SHLD3: variants seen among roughly 807,000 people sequenced by gnomAD.
SHLD3 encodes shieldin complex subunit 3.
Under a neutral mutation model 21.4 loss-of-function variants are expected in SHLD3, and 15 were observed. The ratio of observed to expected loss-of-function variants is 0.70; its 90% CI spans 0.47 to 1.08. The LOEUF is 1.08. SHLD3 is among the 50% of genes least tolerant of loss of function. The probability of loss-of-function intolerance (pLI) is 0.00; values close to 1 mark genes in which losing one functional copy is unlikely to be tolerated. For synonymous variants in SHLD3, 103 were observed against 97.2 expected (o/e 1.06, Z -0.35); for missense variants, 273 against 286.1 (o/e 0.95, Z 0.33).
chr5:65,630,528 T>C lies in SHLD3; in HGVS notation c.*188T>C, dbSNP rs1327455233. On this transcript the variant is annotated 3_prime_UTR_variant, in exon 2 of 2. Transcript: ENST00000510585. Reference sequence around the variant, plus strand: ...TCTTTTAAATGTGATAAATTATTGTTTACACTGAATTTGAAGGTAAAAATG... The same window carrying C: ...TCTTTTAAATGTGATAAATTATTGTCTACACTGAATTTGAAGGTAAAAATG... 7.8e-7 allele frequency: 1 copy of C among 1,283,330 alleles called. No homozygotes were observed. The highest frequency in any genetic ancestry group is 9.8e-7 in the Non-Finnish European group (1 of 1,017,672). 79.5% of individuals were successfully genotyped at this position (1,283,330 alleles called of 1,614,324 possible).
chr5:65,629,844 G>A lies in SHLD3; in HGVS notation c.257G>A (p.Cys86Tyr). Residue 86 changes from cysteine to tyrosine, a missense_variant, in exon 2 of 2, where the codon TGC becomes TAC. Physicochemically the swap from Cys to Tyr is radical, Grantham distance 194. Transcript: ENST00000510585. ...EHDAKSHSYD[C>Y]TVDLLEFQPS... ...GATGCTAAGTCACACAGTTATGATT[G>A]CACAGTAGATCTATTGGAGTTTCAA... 1.2e-5 allele frequency: 19 copies of A among 1,536,068 alleles called. No homozygotes were observed. Among genetic ancestry groups the A allele is most frequent in the Non-Finnish European group, 1.7e-5 (19 of 1,146,890 alleles).
Position 65,630,323 on chromosome 5 carries a change from G to GTTA in SHLD3, c.739_741dup (p.Ile247dup). 6.6e-7 allele frequency: 1 copy of GTTA among 1,515,258 alleles called. No individual in the cohort carries two copies. The allele number at this position is 1,515,258 out of a possible 1,614,324, so 93.9% of individuals were successfully genotyped here. A position where few individuals can be genotyped will look rare whatever the true frequency, so the allele number is the denominator to read the frequency against. On this transcript the variant is annotated inframe_insertion, in exon 2 of 2. Transcript: ENST00000510585. The stretch of plus-strand genomic sequence containing the variant: ...TAATTTATTTGTGCATAAATATGGT[G>GTTA]TTATTTTTAGTATGTAATGAATTCC...
chr5:65,627,873 T>A (rs921136747), intron 1 of SHLD3, among the ~76,000 whole-genome samples: 6 of 152,196 alleles, frequency 3.9e-5, no homozygotes, highest in South Asian at 2.1e-4. Flanking sequence ...TATCAGTAGG[T>A]AAAAATAATG....
In SHLD3 at chr5:65,629,680, T is replaced by G. The variant is rs1036277762; in HGVS notation, c.93T>G (p.Pro31=). Reference sequence around the variant, plus strand: ...CAGAAAAAGCAATTCAAGACTTTCCTACTCGTCCGCTATCAAGATTTATAC... The same window carrying G: ...CAGAAAAAGCAATTCAAGACTTTCCGACTCGTCCGCTATCAAGATTTATAC... ...KIAEKAIQDF[P]TRPLSRFIPW... The change falls in exon 2 of 2, where the codon CCT becomes CCG. Residue 31 remains proline, a synonymous_variant. Transcript: ENST00000510585. The G allele has an allele frequency of 1.3e-6, 2 of 1,535,954 alleles. No individual in the cohort carries two copies. Among genetic ancestry groups the G allele is most frequent in the African/African-American group, 2.7e-5 (2 of 73,054 alleles).
Position 65,629,918 on chromosome 5 carries a change from C to T in SHLD3, c.331C>T (p.Gln111Ter). 1 of 1,536,072 alleles carries T rather than the reference C, an allele frequency of 6.5e-7. No individual in the cohort carries two copies. Among genetic ancestry groups the T allele is most frequent in the African/African-American group, 1.4e-5 (1 of 73,164 alleles). Residue 111 changes from glutamine (Q) to a stop codon, truncating the protein, a stop_gained, in exon 2 of 2, where the codon CAG becomes TAG. Coordinates refer to ENST00000510585, the MANE Select transcript of SHLD3 (RefSeq NM_001365341.2). LOFTEE classifies it high-confidence loss of function. Reference protein sequence around the residue: ...HLTWSHTLKEQTNSGNLGKQS... With the variant: ...HLTWSHTLKE ...AACCTGGTCACACACACTGAAGGAA[C>T]AGACTAATTCTGGAAATCTGGGTAA... is the stretch of plus-strand genomic sequence containing the variant.
At chr5:65,626,711 A>C (rs1265545719) in intron 1 of SHLD3, among the ~76,000 whole-genome samples, 1 of 151,960 alleles carries the variant, frequency 6.6e-6, no homozygotes, top group African/African-American at 2.4e-5. Context: ...ACGCCATCCT[A>C]GGCAACAGAG....
rs1351330582 is a variant in SHLD3, at chr5:65,630,367, T to C, written c.*27T>C. On this transcript the variant is annotated 3_prime_UTR_variant, in exon 2 of 2. Coordinates refer to ENST00000510585, the MANE Select transcript of SHLD3 (RefSeq NM_001365341.2). Reference sequence around the variant, plus strand: ...GAATTCCACTGATTGTCAAAAAGAATATTCTGAATGAAATGAATATGGATT... The same window carrying C: ...GAATTCCACTGATTGTCAAAAAGAACATTCTGAATGAAATGAATATGGATT... 8.2e-6 allele frequency: 12 copies of C among 1,458,142 alleles called. No homozygotes were observed. Among genetic ancestry groups the C allele is most frequent in the South Asian group, 1.4e-5 (1 of 70,688 alleles). The allele number at this position is 1,458,142 out of a possible 1,614,324, so 90.3% of individuals were successfully genotyped here.
chr5:65,628,242 C>G (rs541554942), intron 1 of SHLD3, among the ~76,000 whole-genome samples: 98 of 152,272 alleles, frequency 6.4e-4, no homozygotes, highest in African/African-American at 2.3e-3. Context: ...ACTTCTTGTT[C>G]TCTTCCAAAC....
chr5:65,628,620 C>T (rs764281377), intron 1 of SHLD3, among the ~76,000 whole-genome samples: 1 of 151,858 alleles, frequency 6.6e-6, no homozygotes, highest in East Asian at 1.9e-4. Context: ...TACAGGCACA[C>T]GCCACCACAG....
At chr5:65,629,221 G>GT (rs1429368607) in intron 1 of SHLD3, among the ~76,000 whole-genome samples, 2 of 152,168 alleles carry the variant, frequency 1.3e-5, no homozygotes, top group East Asian at 1.9e-4. Context: ...TATCTATTGA[G>GT]TTAAACATGT....
Position 65,630,336 on chromosome 5 carries a change from T to C in SHLD3, c.749T>C (p.Met250Thr), listed in dbSNP as rs1755480508. Reference sequence around the variant, plus strand: ...CATAAATATGGTGTTATTTTTAGTATGTAATGAATTCCACTGATTGTCAAA... The same window carrying C: ...CATAAATATGGTGTTATTTTTAGTACGTAATGAATTCCACTGATTGTCAAA... ...FVHKYGVIFS[M>T] is the part of the protein sequence containing the mutation. Residue 250 changes from methionine to threonine, a missense_variant, in exon 2 of 2, where the codon ATG becomes ACG. Met to Thr is a moderately conservative substitution (Grantham distance 81, BLOSUM62 -1). Transcript: ENST00000510585. 6 of 1,500,078 alleles carry C rather than the reference T, an allele frequency of 4.0e-6. No homozygotes were observed. Among genetic ancestry groups the C allele is most frequent in the Non-Finnish European group, 5.3e-6 (6 of 1,126,076 alleles). The allele number at this position is 1,500,078 out of a possible 1,614,324, so 92.9% of individuals were successfully genotyped here. A position where few individuals can be genotyped will look rare whatever the true frequency, so the allele number is the denominator to read the frequency against.
intron 1 of SHLD3, among the ~76,000 whole-genome samples, chr5:65,628,641 T>G (rs1755364285): frequency 6.6e-6 from 1 of 151,882 alleles, no homozygotes; most frequent in African/African-American, 2.4e-5. Flanking sequence ...CCGGCTATTT[T>G]TTGTATCTTT....
chr5:65,626,855 C>T (rs1488879706), intron 1 of SHLD3, among the ~76,000 whole-genome samples: 2 of 149,166 alleles, frequency 1.3e-5, no homozygotes, highest in Non-Finnish European at 1.5e-5. Flanking sequence ...AATATTTAAG[C>T]AGCCTAAGCC....
intron 1 of SHLD3, chr5:65,626,036 T>TA (rs1755211164): frequency 6.6e-6 from 1 of 152,208 alleles, no homozygotes; most frequent in Non-Finnish European, 1.5e-5. Flanking sequence ...GATTGTCTCT[T>TA]ACTGTGGAAC....
rs562301345 is a variant in SHLD3, at chr5:65,629,830, A to T, written c.243A>T (p.Ser81=). The change falls in exon 2 of 2, where the codon TCA becomes TCT. Residue 81 remains serine, a synonymous_variant. Coordinates refer to ENST00000510585, the MANE Select transcript of SHLD3 (RefSeq NM_001365341.2). The part of the protein sequence containing the change: ...YLTISEHDAK[S]HSYDCTVDLL... ...CCATTTCAGAACATGATGCTAAGTC[A>T]CACAGTTATGATTGCACAGTAGATC... The T allele has an allele frequency of 6.5e-7, 1 of 1,535,988 alleles. No individual in the cohort carries two copies. Among genetic ancestry groups the T allele is most frequent in the East Asian group, 2.4e-5 (1 of 40,914 alleles).
chr5:65,625,227 C>A, intron 1 of SHLD3, 121 bp downstream of exon 1: 1 of 862,498 alleles, frequency 1.2e-6, no homozygotes, highest in South Asian at 1.4e-5. Flanking sequence ...CTGCTCTGTC[C>A]TTTGCCGCCA....
At chr5:65,628,340 T>C (rs1471957977) in intron 1 of SHLD3, among the ~76,000 whole-genome samples, 2 of 152,210 alleles carry the variant, frequency 1.3e-5, no homozygotes. Context: ...AACTGGTTCT[T>C]AGCCTGGTTA....
At position 65,630,192 on chromosome 5, in the gene SHLD3, C is replaced by G; in HGVS notation, c.605C>G (p.Ala202Gly). The change falls in exon 2 of 2, where the codon GCT (alanine) becomes GGT (glycine). Residue 202 changes from alanine (A) to glycine (G), a missense_variant. Transcript: ENST00000510585. Reference protein sequence around the residue: ...IRHNELPSCNATIQRHLGQIW... With the variant: ...IRHNELPSCNGTIQRHLGQIW... ...CACAATGAACTTCCATCTTGTAATG[C>G]TACAATTCAGAGGCATTTAGGCCAA... The G allele has an allele frequency of 6.5e-7, 1 of 1,535,930 alleles. No individual in the cohort carries two copies. The highest frequency in any genetic ancestry group is 8.7e-7 in the Non-Finnish European group (1 of 1,146,826).
chr5:65,625,183 C>G, intron 1 of SHLD3, 77 bp downstream of exon 1: 4 of 1,235,070 alleles, frequency 3.2e-6, no homozygotes, highest in Non-Finnish European at 4.8e-6. Flanking sequence ...GCCATGTAGG[C>G]CTCATCCTTC....
Sources: gnomAD v4.1 joint callset for allele counts (sites outside exome capture counted in the v4.1 genomes callset) on GRCh38, gnomAD v4.1.1 for gene constraint, MANE v1.5 for transcripts, NCBI Gene and HGNC (gene_info 2026-07-23, HGNC 2026-07-21) for gene names.